LARGE1: variants seen among roughly 807,000 people sequenced by gnomAD.
LARGE1 encodes LARGE xylosyl- and glucuronyltransferase 1.
LARGE1 carries 43 observed loss-of-function variants against 87.6 expected under a neutral mutation model. The observed-to-expected ratio is 0.49, with a 90% CI of 0.38 to 0.63. LARGE1 has a LOEUF of 0.63. Among genes scored for constraint, LARGE1 ranks in the 30% least tolerant of loss-of-function variants. LARGE1 has a pLI of 0.00. For missense variants in LARGE1, 802 were observed against 1,000.2 expected (o/e 0.80, Z 2.67); for synonymous variants, 434 against 394.6 (o/e 1.10, Z -1.18).
At chr22:33,615,558 T>C (rs895011180) in intron 4 of LARGE1, among the ~76,000 whole-genome samples, 1 of 151,938 alleles carries the variant, frequency 6.6e-6, no homozygotes, top group African/African-American at 2.4e-5. Context: ...GGTGGCCATC[T>C]GCAAACCAGG....
intron 11 of LARGE1, among the ~76,000 whole-genome samples, chr22:33,262,852 CTTTT>C (rs928516665): frequency 6.7e-6 from 1 of 149,074 alleles, no homozygotes; most frequent in Non-Finnish European, 1.5e-5. Flanking sequence ...TCCCTCCTTT[CTTTT>C]TCTTTCTTCC....
chr22:33,343,189 T>C (rs1366332985), intron 9 of LARGE1, among the ~76,000 whole-genome samples: 4 of 152,078 alleles, frequency 2.6e-5, no homozygotes, highest in Non-Finnish European at 5.9e-5. Context: ...AGTACAGTGG[T>C]GCAATCTGGG....
At chr22:33,441,531 G>A (rs111285889) in intron 6 of LARGE1, among the ~76,000 whole-genome samples, 153 of 152,210 alleles carry the variant, frequency 1.0e-3, no homozygotes, top group African/African-American at 2.4e-3. Context: ...ATGGCTCAGC[G>A]CAGCCTTGAA....
chr22:33,118,395 G>A, the LARGE1 span, among the ~76,000 whole-genome samples: 1,590 of 152,180 alleles, frequency 0.01, 10 homozygotes, highest in Non-Finnish European at 0.017. Flanking sequence ...AGGAGGTTGA[G>A]GTGGGAAGAT....
intron 2 of LARGE1, among the ~76,000 whole-genome samples, chr22:33,710,487 G>C (rs2082700351): frequency 6.6e-6 from 1 of 152,208 alleles, no homozygotes; most frequent in African/African-American, 2.4e-5. Flanking sequence ...GTGTGTCAAG[G>C]GGAAAGGAAC....
chr22:33,519,228 G>A (rs911626), intron 6 of LARGE1, among the ~76,000 whole-genome samples: 44,375 of 143,182 alleles, frequency 0.31, 7,862 homozygotes, highest in Non-Finnish European at 0.4. Context: ...CTGCGTGCGT[G>A]CGCGCGCGTG....
At chr22:33,113,952 G>A in the LARGE1 span, among the ~76,000 whole-genome samples, 1 of 150,928 alleles carries the variant, frequency 6.6e-6, no homozygotes, top group African/African-American at 2.4e-5. Flanking sequence ...CTCACTGCAA[G>A]CTCCGCCTCC....
chr22:33,479,178 C>A (rs572862207), intron 6 of LARGE1, among the ~76,000 whole-genome samples: 3 of 152,306 alleles, frequency 2.0e-5, no homozygotes, highest in African/African-American at 7.2e-5. Flanking sequence ...CCCCTTGATG[C>A]TGCCCTGGGG....
intron 11 of LARGE1, among the ~76,000 whole-genome samples, chr22:33,247,044 A>C (rs1555885071): frequency 1.2e-5 from 1 of 82,804 alleles, no homozygotes; most frequent in Non-Finnish European, 2.5e-5. Flanking sequence ...AACTGCAGCC[A>C]GTATGTGTGT....
At chr22:33,540,760 C>T (rs527868999) in intron 6 of LARGE1, among the ~76,000 whole-genome samples, 7 of 152,170 alleles carry the variant, frequency 4.6e-5, no homozygotes, top group Admixed American at 2.6e-4. Flanking sequence ...TTATTCTTCA[C>T]GTGCTCCCCA....
At chr22:33,617,805 T>G (rs1268155573) in intron 4 of LARGE1, among the ~76,000 whole-genome samples, 1 of 152,214 alleles carries the variant, frequency 6.6e-6, no homozygotes, top group Non-Finnish European at 1.5e-5. Flanking sequence ...GCCTGCAGAC[T>G]TCACTCTTAA....
intron 1 of LARGE1, among the ~76,000 whole-genome samples, chr22:33,826,555 C>T (rs966488597): frequency 7.2e-5 from 11 of 152,014 alleles, no homozygotes; most frequent in African/African-American, 1.2e-4. Context: ...CTTGGCCAGG[C>T]TGGTCTCAAA....
intron 7 of LARGE1, among the ~76,000 whole-genome samples, chr22:33,408,832 C>T (rs928540982): frequency 4.6e-5 from 7 of 151,744 alleles, no homozygotes; most frequent in East Asian, 3.9e-4. Flanking sequence ...AAATAGACTT[C>T]GAAAAGGGTT....
intron 1 of LARGE1, among the ~76,000 whole-genome samples, chr22:33,781,872 G>C (rs1008346362): frequency 6.6e-6 from 1 of 152,212 alleles, no homozygotes; most frequent in East Asian, 1.9e-4. Context: ...CAGCTCCGTG[G>C]ATAACAGAAA....
At chr22:33,268,992 G>C (rs1315466456), downstream of LARGE1, among the ~76,000 whole-genome samples, 1 of 152,022 alleles carries the variant, frequency 6.6e-6, no homozygotes, top group Non-Finnish European at 1.5e-5. Context: ...GCATAGCCTT[G>C]TGTATGCATG....
Position 33,650,482 on chromosome 22 carries a change from T to C in LARGE1, c.293A>G (p.His98Arg). ...GRAPSHRRGN[H>R]SKTYSMEEGT... ...CTCCTCCATGGAGTAGGTCTTGGAG[T>C]GGTTGCCTCGGCGATGGGATGGGGC... The change falls in exon 3 of 15, where the codon CAC (histidine) becomes CGC (arginine). Residue 98 changes from histidine to arginine, a missense_variant. His to Arg is a conservative substitution (Grantham distance 29). Around this residue, in one of 2 missense-constraint regions of LARGE1, gnomAD observed 177 missense variants for 158.3 expected, o/e 1.12. Transcript: ENST00000397394. The C allele has an allele frequency of 1.9e-6, 3 of 1,613,662 alleles. No homozygotes were observed. The African/African-American group carries it at 4.0e-5, about 22-fold the overall frequency.
intron 6 of LARGE1, among the ~76,000 whole-genome samples, chr22:33,562,480 C>A (rs555594408): frequency 6.6e-6 from 1 of 152,288 alleles, no homozygotes; most frequent in African/African-American, 2.4e-5. Flanking sequence ...AATAAACCAA[C>A]AAAAGAATGA....
At chr22:33,918,513 T>C (rs8140148) in intron 1 of LARGE1, among the ~76,000 whole-genome samples, 1,610 of 152,322 alleles carry the variant, frequency 0.011, 29 homozygotes, top group African/African-American at 0.036. Flanking sequence ...TAAAGTACTC[T>C]TGAACAATAA....
At chr22:33,335,523 A>T (rs1040467197) in intron 10 of LARGE1, among the ~76,000 whole-genome samples, 1 of 152,190 alleles carries the variant, frequency 6.6e-6, no homozygotes, top group African/African-American at 2.4e-5. Flanking sequence ...TTGGGAGCCT[A>T]AAAGAATTCT....
Sources: gnomAD v4.1 joint callset for allele counts (sites outside exome capture counted in the v4.1 genomes callset) on GRCh38, gnomAD v4.1.1 for gene constraint, gnomAD v4.1.1 regional missense constraint, MANE v1.5 for transcripts, NCBI Gene and HGNC (gene_info 2026-07-23, HGNC 2026-07-21) for gene names.